Variants in GLDC observed in about 807,000 individuals in gnomAD.
The protein encoded by GLDC is glycine decarboxylase.
A neutral mutation model predicts 121.3 loss-of-function variants in GLDC; 104 were observed. That is an observed-to-expected ratio of 0.86 (90% confidence interval 0.73 to 1.01). The LOEUF is 1.01. Among genes scored for constraint, GLDC ranks in the 50% least tolerant of loss-of-function variants. GLDC has a pLI of 0.00. For missense variants in GLDC, 1,429 were observed against 1,306.6 expected (o/e 1.09, Z -1.44); for synonymous variants, 546 against 480.6 (o/e 1.14, Z -1.78).
chr9:6,599,049 T>A (rs1253700007), intron 8 of GLDC, among the ~76,000 whole-genome samples: 1 of 151,662 alleles, frequency 6.6e-6, no homozygotes, highest in Admixed American at 6.6e-5. Flanking sequence ...CCAGGCATGG[T>A]CGTGGGTGCC....
intron 8 of GLDC, among the ~76,000 whole-genome samples, chr9:6,598,280 C>A (rs886836350): frequency 2.0e-5 from 3 of 152,194 alleles, no homozygotes; most frequent in African/African-American, 7.2e-5. Flanking sequence ...ATCCTCCTGC[C>A]TTGGCCTCCT....
chr9:6,635,160 A>G (rs1015128788), intron 2 of GLDC, among the ~76,000 whole-genome samples: 1 of 152,176 alleles, frequency 6.6e-6, no homozygotes, highest in Non-Finnish European at 1.5e-5. Context: ...CTATTTCCTT[A>G]TAAGTTATAA....
At chr9:6,638,301 C>T (rs866770224) in intron 2 of GLDC, among the ~76,000 whole-genome samples, 7 of 152,120 alleles carry the variant, frequency 4.6e-5, no homozygotes, top group Non-Finnish European at 7.4e-5. Context: ...CTCCACCTTC[C>T]GGGTTCAAGC....
intron 2 of GLDC, among the ~76,000 whole-genome samples, chr9:6,633,617 G>T (rs546469971): frequency 1.3e-5 from 2 of 151,740 alleles, no homozygotes; most frequent in African/African-American, 2.4e-5. Flanking sequence ...CAACCACCAC[G>T]TCTGTACAAA....
intron 16 of GLDC, among the ~76,000 whole-genome samples, chr9:6,564,549 C>T (rs1334650107): frequency 6.6e-6 from 1 of 152,224 alleles, no homozygotes; most frequent in African/African-American, 2.4e-5. Context: ...TCTCTAGTAT[C>T]AGCAGATGCT....
chr9:6,639,239 C>T (rs1629134), intron 2 of GLDC: 260,841 of 922,884 alleles, frequency 0.28, 39,906 homozygotes, highest in East Asian at 0.53. Flanking sequence ...AAGGTGTCCA[C>T]AGCCACAAAA....
intron 3 of GLDC, among the ~76,000 whole-genome samples, chr9:6,619,133 A>C (rs1460756644): frequency 2.4e-5 from 3 of 127,566 alleles, no homozygotes; most frequent in Non-Finnish European, 4.7e-5. Context: ...ACAGAGTGAG[A>C]CTCTGTCTCA....
chr9:6,629,070 T>A (rs1404614751), intron 2 of GLDC, among the ~76,000 whole-genome samples: 1 of 151,878 alleles, frequency 6.6e-6, no homozygotes, highest in Non-Finnish European at 1.5e-5. Context: ...GAATTTAGAA[T>A]GAATGCTTCC....
In GLDC at chr9:6,548,847, G is replaced by T. The variant is rs1181582295; in HGVS notation, c.2569+1956C>A. Among the ~76,000 whole-genome samples the T allele has an allele frequency of 7.9e-5, 12 of 152,194 alleles. No individual in the cohort carries two copies. In the South Asian group the frequency reaches 2.1e-3, roughly 26 times the overall value. On this transcript the variant is annotated intron_variant, in intron 21 of 24. Coordinates refer to ENST00000321612, the MANE Select transcript of GLDC (RefSeq NM_000170.3). ...TCCCCCATCTGTTTTTCTCTCAAAG[G>T]TATCTTTGCTCTCCCTTCTCACAGC...
chr9:6,576,437 G>A (rs902724468), intron 15 of GLDC, among the ~76,000 whole-genome samples: 3 of 151,960 alleles, frequency 2.0e-5, no homozygotes, highest in African/African-American at 7.3e-5. Context: ...TCCTAATGCC[G>A]TCACCTTGGA....
chr9:6,611,285 C>T lies in GLDC; in HGVS notation c.471-929G>A, dbSNP rs139687664. ...AATTTAGTTCCTTCATCCTTACAGG[C>T]GAGAGCTACCACACCTCACCTATTT... On this transcript the variant is annotated intron_variant, in intron 3 of 24. Transcript: ENST00000321612. 4.3e-4 allele frequency among the ~76,000 whole-genome samples: 65 copies of T among 152,338 alleles called. 1 individual carries two copies. In the East Asian group the frequency reaches 0.011, roughly 25 times the overall value.
chr9:6,550,151 G>A (rs1817481417), intron 21 of GLDC, among the ~76,000 whole-genome samples: 1 of 152,112 alleles, frequency 6.6e-6, no homozygotes, highest in South Asian at 2.1e-4. Context: ...ATTCTATCCT[G>A]CCTCTACCCA....
intron 21 of GLDC, among the ~76,000 whole-genome samples, chr9:6,548,089 C>G (rs569112292): frequency 1.3e-5 from 2 of 152,180 alleles, no homozygotes; most frequent in East Asian, 3.9e-4. Context: ...CAATGAGCTG[C>G]CATGGCACCA....
intron 3 of GLDC, 135 bp downstream of exon 3, chr9:6,620,049 G>C: frequency 1.2e-6 from 1 of 849,794 alleles, no homozygotes; most frequent in Admixed American, 1.8e-5. Flanking sequence ...AACCCGGTAG[G>C]TTCCCGGACA....
chr9:6,620,609 C>G (rs1295960242), intron 2 of GLDC, among the ~76,000 whole-genome samples: 4 of 152,098 alleles, frequency 2.6e-5, no homozygotes, highest in Non-Finnish European at 5.9e-5. Flanking sequence ...TTGCCTCATT[C>G]CAGGCTTTTT....
chr9:6,592,091 G>T (rs1818385327), intron 11 of GLDC, 52 bp downstream of exon 11: 2 of 1,109,424 alleles, frequency 1.8e-6, no homozygotes, highest in Admixed American at 1.7e-5. Flanking sequence ...AGCTACTTTT[G>T]CTACCACCTC....
chr9:6,576,513 C>A (rs1213794033), intron 15 of GLDC, among the ~76,000 whole-genome samples: 1 of 152,158 alleles, frequency 6.6e-6, no homozygotes, highest in Non-Finnish European at 1.5e-5. Flanking sequence ...GTCGCCCAGG[C>A]TGGGGTGCAG....
chr9:6,565,284 C>T, intron 16 of GLDC, 70 bp downstream of exon 16: 1 of 1,086,044 alleles, frequency 9.2e-7, no homozygotes, highest in South Asian at 1.2e-5. Flanking sequence ...GAGTGTCCCA[C>T]AGAAGGGACC....
At chr9:6,639,669 G>GTATATATATA (rs150365649) in intron 2 of GLDC, 13,918 of 226,388 alleles carry the variant, frequency 0.061, 888 homozygotes, top group Admixed American at 0.098. Flanking sequence ...TAAAAAAAAA[G>GTATATATATA]TATATATATA....
Sources: gnomAD v4.1 joint callset for allele counts (sites outside exome capture counted in the v4.1 genomes callset) on GRCh38, gnomAD v4.1.1 for gene constraint, MANE v1.5 for transcripts, NCBI Gene and HGNC (gene_info 2026-07-23, HGNC 2026-07-21) for gene names.